FAXDC2: variants seen among roughly 807,000 people sequenced by gnomAD.
FAXDC2 encodes the protein fatty acid hydroxylase domain-containing protein 2.
A neutral mutation model predicts 40.9 loss-of-function variants in FAXDC2; 41 were observed. The observed-to-expected ratio is 1.00, with a 90% CI of 0.78 to 1.30. The LOEUF is 1.30. Among genes scored for constraint, FAXDC2 ranks in the 50% most tolerant of loss-of-function variants. FAXDC2 has a pLI of 0.00. For synonymous variants in FAXDC2, 157 were observed against 149.3 expected, an observed-to-expected ratio of 1.05 and a Z score of -0.38; for missense variants, 390 against 408.8, an observed-to-expected ratio of 0.95 and a Z score of 0.40.
intron 4 of FAXDC2, among the ~76,000 whole-genome samples, chr5:154,833,950 C>T (rs1013044235): frequency 4.0e-5 from 6 of 151,652 alleles, no homozygotes; most frequent in Admixed American, 6.6e-5. Context: ...TTACAGGCGT[C>T]AGCCACCACG....
At chr5:154,848,006 AT>A (rs1275521451) in intron 1 of FAXDC2, among the ~76,000 whole-genome samples, 9 of 151,472 alleles carry the variant, frequency 5.9e-5, no homozygotes, top group Admixed American at 3.9e-4. Context: ...CGCCTGGCTA[AT>A]TTTTTGTATT....
At chr5:154,823,653 CCTG>C in intron 5 of FAXDC2, 61 bp from the exon 6 acceptor site, 1 of 1,412,990 alleles carries the variant, frequency 7.1e-7, no homozygotes, top group South Asian at 1.2e-5. Flanking sequence ...TCCACCGTGA[CCTG>C]CTTACAGGAG....
chr5:154,830,781 GA>G lies in FAXDC2; in HGVS notation c.366+19del. Reference sequence around the variant, plus strand: ...GCTCTTGCTTTCTGTGCTTTGACCAGAAGTTGCAACAACACTTACAGGTTCA... The same window carrying G: ...GCTCTTGCTTTCTGTGCTTTGACCAGAGTTGCAACAACACTTACAGGTTCA... On this transcript the variant is annotated intron_variant, in intron 5 of 8. Coordinates refer to ENST00000326080, the MANE Select transcript of FAXDC2 (RefSeq NM_032385.5). 6.2e-7 allele frequency: 1 copy of G among 1,613,592 alleles called. No homozygotes were observed. The highest frequency in any genetic ancestry group is 8.5e-7 in the Non-Finnish European group (1 of 1,179,602).
chr5:154,840,274 C>T (rs893712971), intron 1 of FAXDC2, among the ~76,000 whole-genome samples: 12 of 152,092 alleles, frequency 7.9e-5, no homozygotes, highest in East Asian at 1.9e-4. Flanking sequence ...ATTTTAATAA[C>T]GAGGAGACGG....
intron 5 of FAXDC2, among the ~76,000 whole-genome samples, chr5:154,826,527 T>TA (rs764669604): frequency 0.017 from 1,755 of 101,360 alleles, 14 homozygotes; most frequent in African/African-American, 0.031. Flanking sequence ...AGACTGTCTC[T>TA]AAAAAAAAAA....
intron 5 of FAXDC2, chr5:154,824,156 G>A (rs1759961161): frequency 6.7e-6 from 2 of 298,656 alleles, no homozygotes; most frequent in Non-Finnish European, 1.3e-5. Context: ...GTGATGCTGT[G>A]AAGATGGGGG....
chr5:154,843,284 GTCTTA>G (rs1337331839), intron 1 of FAXDC2, among the ~76,000 whole-genome samples: 3 of 152,162 alleles, frequency 2.0e-5, no homozygotes, highest in Non-Finnish European at 4.4e-5. Context: ...CCTTTTCCCT[GTCTTA>G]TCAACTCCAT....
intron 2 of FAXDC2, 172 bp from the exon 3 acceptor site, chr5:154,835,106 C>T: frequency 3.4e-6 from 2 of 591,438 alleles, no homozygotes; most frequent in Non-Finnish European, 6.0e-6. Flanking sequence ...TCTTCCTTAT[C>T]AGGAGCTCTC....
chr5:154,824,470 A>G, intron 5 of FAXDC2: 1 of 702,506 alleles, frequency 1.4e-6, no homozygotes, highest in Non-Finnish European at 2.6e-6. Context: ...CTCTTCCTCC[A>G]GCCTTTCCAG....
intron 4 of FAXDC2, among the ~76,000 whole-genome samples, chr5:154,832,527 A>G (rs1182362593): frequency 6.6e-6 from 1 of 152,156 alleles, no homozygotes; most frequent in Admixed American, 6.5e-5. Flanking sequence ...CCCAGAAAAA[A>G]TAAACTATTT....
chr5:154,827,249 G>C (rs1760060209), intron 5 of FAXDC2, among the ~76,000 whole-genome samples: 1 of 151,212 alleles, frequency 6.6e-6, no homozygotes, highest in Non-Finnish European at 1.5e-5. Flanking sequence ...AGGTTACGGT[G>C]AGCCAAGATC....
chr5:154,839,144 C>T (rs553643094), intron 1 of FAXDC2, among the ~76,000 whole-genome samples: 17 of 151,002 alleles, frequency 1.1e-4, no homozygotes, highest in African/African-American at 1.9e-4. Context: ...TGGCCAACAC[C>T]GCAAAACCAC....
At chr5:154,827,385 G>T (rs963985839) in intron 5 of FAXDC2, among the ~76,000 whole-genome samples, 30 of 149,294 alleles carry the variant, frequency 2.0e-4, no homozygotes, top group African/African-American at 6.7e-4. Flanking sequence ...CTCTCTCAAA[G>T]AACTTTGCTA....
chr5:154,826,022 G>C (rs1209903210), intron 5 of FAXDC2, among the ~76,000 whole-genome samples: 1 of 152,116 alleles, frequency 6.6e-6, no homozygotes, highest in African/African-American at 2.4e-5. Context: ...GGATATTTCA[G>C]CTTGGAATTC....
At position 154,828,922 on chromosome 5, in the gene FAXDC2, CTT is replaced by C. The variant is rs374113320; in HGVS notation, c.366+1877_366+1878del. ...CAGCCTGCGTAAATTTTCTTTTTTT[CTT>C]TTTTTTTTTTTTTGAGGCAGAGTCT... is the stretch of plus-strand genomic sequence containing the variant. On this transcript the variant is annotated intron_variant, in intron 5 of 8. Coordinates refer to ENST00000326080, the MANE Select transcript of FAXDC2 (RefSeq NM_032385.5). Among the ~76,000 whole-genome samples, 916 of 132,440 alleles carry C rather than the reference CTT, an allele frequency of 6.9e-3. 7 individuals are homozygous for C. Among genetic ancestry groups the C allele is most frequent in the East Asian group, 0.026 (115 of 4,420 alleles). The allele number at this position is 132,440 out of a possible 152,430, so 86.9% of individuals were successfully genotyped here. A position where few individuals can be genotyped will look rare whatever the true frequency, so the allele number is the denominator to read the frequency against.
chr5:154,849,286 CAAAAA>C (rs958610186), intron 1 of FAXDC2, among the ~76,000 whole-genome samples: 2 of 151,126 alleles, frequency 1.3e-5, no homozygotes, highest in African/African-American at 4.9e-5. Context: ...TCTCAAAAAA[CAAAAA>C]AAACAAAAAC....
chr5:154,825,824 G>A (rs540647838), intron 5 of FAXDC2, among the ~76,000 whole-genome samples: 14 of 152,032 alleles, frequency 9.2e-5, no homozygotes, highest in Admixed American at 4.6e-4. Context: ...GAAGGAAAGA[G>A]AGTAGTCAAG....
Position 154,838,188 on chromosome 5 carries a change from G to C in FAXDC2, c.1-10C>G, listed in dbSNP as rs759640602. Reference sequence around the variant, plus strand: ...CAGCTTCTCCTTTCATCTGGAATGAGAAAGCACAGGCGAGCCGGGGAGTTA... The same window carrying C: ...CAGCTTCTCCTTTCATCTGGAATGACAAAGCACAGGCGAGCCGGGGAGTTA... On this transcript the variant is annotated splice_polypyrimidine_tract_variant and intron_variant, in intron 1 of 8. Transcript: ENST00000326080. The C allele has an allele frequency of 1.6e-5, 26 of 1,612,872 alleles. No individual in the cohort carries two copies. In the African/African-American group the frequency reaches 3.1e-4, roughly 19 times the overall value.
intron 8 of FAXDC2, 123 bp from the exon 9 acceptor site, chr5:154,820,595 G>A: frequency 1.4e-6 from 1 of 719,506 alleles, no homozygotes; most frequent in South Asian, 2.1e-5. Context: ...CCACCATCCT[G>A]ACCATCTGCA....
Sources: allele counts gnomAD v4.1 joint callset (sites outside exome capture counted in the v4.1 genomes callset), GRCh38; gene constraint gnomAD v4.1.1; transcripts MANE v1.5; gene names NCBI Gene and HGNC (gene_info 2026-07-23, HGNC 2026-07-21).